CHRND: variants seen among roughly 807,000 people sequenced by gnomAD.
CHRND encodes the protein acetylcholine receptor subunit delta.
A neutral mutation model predicts 57.8 loss-of-function variants in CHRND; 40 were observed. The observed-to-expected ratio is 0.69, with a 90% confidence interval of 0.54 to 0.90. The LOEUF (loss-of-function observed/expected upper bound fraction) is 0.90. Ranked by LOEUF, CHRND falls within the 40% of genes least tolerant of loss-of-function variation. The probability of loss-of-function intolerance (pLI) is 0.00; values close to 1 mark genes in which losing one functional copy is unlikely to be tolerated. For missense variants in CHRND, 634 were observed against 673.9 expected (o/e 0.94, Z 0.66); for synonymous variants, 237 against 270.6 (o/e 0.88, Z 1.22).
intron 6 of CHRND, 64 bp downstream of exon 6, chr2:232,529,035 G>A (rs1691586759): frequency 8.7e-7 from 1 of 1,151,928 alleles, no homozygotes; most frequent in Non-Finnish European, 1.3e-6. Context: ...CACTGGCCCT[G>A]TCCACCCCAG....
chr2:232,526,186 G>A lies in CHRND; in HGVS notation c.-30G>A, dbSNP rs759127614. The A allele has an allele frequency of 6.8e-6, 11 of 1,611,304 alleles. No individual in the cohort carries two copies. In the East Asian group the frequency reaches 2.5e-4, roughly 36 times the overall value. Reference sequence around the variant, plus strand: ...TTCCACAGCCCTGTAGACAGGAGGGGCAGATGCACGTCCCAGTCAGAGGGA... The same window carrying A: ...TTCCACAGCCCTGTAGACAGGAGGGACAGATGCACGTCCCAGTCAGAGGGA... On this transcript the variant is annotated 5_prime_UTR_variant, in exon 1 of 12. Transcript: ENST00000258385.
chr2:232,530,242 T>C, intron 7 of CHRND, 103 bp downstream of exon 7: 1 of 1,237,082 alleles, frequency 8.1e-7, no homozygotes, highest in South Asian at 1.2e-5. Context: ...CCACCTGGGG[T>C]CTCCATTCCT....
chr2:232,535,257 A>T lies in CHRND; in HGVS notation c.1499A>T (p.Gln500Leu). 1 of 1,614,182 alleles carries T rather than the reference A, an allele frequency of 6.2e-7. No homozygotes were observed. ...GGCGTTTACAACCAGCCACCACCCC[A>T]GCCTTTTCCTGGGGACCCCTACTCC... is the stretch of plus-strand genomic sequence containing the variant. ...LQGVYNQPPP[Q>L]PFPGDPYSYN... The change falls in exon 12 of 12, where the codon CAG becomes CTG. Residue 500 changes from glutamine (Q) to leucine (L), a missense_variant. Transcript: ENST00000258385.
Position 232,535,516 on chromosome 2 carries a change from C to A in CHRND, c.*204C>A, listed in dbSNP as rs950448426. 2 of 748,712 alleles carry A rather than the reference C, an allele frequency of 2.7e-6. No homozygotes were observed. Among genetic ancestry groups the A allele is most frequent in the South Asian group, 1.5e-5 (1 of 67,812 alleles). 46.4% of individuals were successfully genotyped at this position (748,712 alleles called of 1,614,324 possible). On this transcript the variant is annotated 3_prime_UTR_variant, in exon 12 of 12. Coordinates refer to ENST00000258385, the MANE Select transcript of CHRND (RefSeq NM_000751.3). The stretch of plus-strand genomic sequence containing the variant: ...CCCGAGATGGTCTGAGGGTGGACAT[C>A]GGCTACAGTGGGTGGGCAGGACGAT...
rs1160575119 is a variant in CHRND, at chr2:232,526,208, G to A, written c.-8G>A. On this transcript the variant is annotated 5_prime_UTR_variant, in exon 1 of 12. Coordinates refer to ENST00000258385, the MANE Select transcript of CHRND (RefSeq NM_000751.3). ...GGGGCAGATGCACGTCCCAGTCAGA[G>A]GGATGGGATGGAGGGGCCAGTGCTG... 6.2e-7 allele frequency: 1 copy of A among 1,612,468 alleles called. No homozygotes were observed. The highest frequency in any genetic ancestry group is 8.5e-7 in the Non-Finnish European group (1 of 1,178,942).
At chr2:232,528,029 G>T (rs1016831517) in intron 3 of CHRND, among the ~76,000 whole-genome samples, 5 of 152,188 alleles carry the variant, frequency 3.3e-5, no homozygotes, top group African/African-American at 9.7e-5. Context: ...AAAGTCCACA[G>T]TACAGACACA....
At position 232,528,532 on chromosome 2, in the gene CHRND, T is replaced by C; in HGVS notation, c.385T>C (p.Cys129Arg). ...NDGSFQISYS[C>R]NVLVYHYGFV... is the part of the protein sequence containing the mutation. ...CGGCTCCTTCCAGATCTCCTACTCC[T>C]GCAACGTGCTTGTCTACCACTACGG... The change falls in exon 5 of 12, where the codon TGC becomes CGC. Residue 129 changes from cysteine to arginine, a missense_variant. Coordinates refer to ENST00000258385, the MANE Select transcript of CHRND (RefSeq NM_000751.3). 5 of 1,614,174 alleles carry C rather than the reference T, an allele frequency of 3.1e-6. No homozygotes were observed. Among genetic ancestry groups the C allele is most frequent in the Non-Finnish European group, 4.2e-6 (5 of 1,180,030 alleles).
intron 7 of CHRND, among the ~76,000 whole-genome samples, chr2:232,530,350 C>A (rs1691643816): frequency 6.6e-6 from 1 of 152,206 alleles, no homozygotes; most frequent in South Asian, 2.1e-4. Context: ...CAGGGCAGGG[C>A]ATCTCCAAGA....
At chr2:232,529,017 C>T (rs746928668) in intron 6 of CHRND, 46 bp downstream of exon 6, 40 of 1,370,668 alleles carry the variant, frequency 2.9e-5, no homozygotes, top group Non-Finnish European at 3.9e-5. Context: ...CTCAGACACA[C>T]ACAGACACAC....
chr2:232,531,946 CAAAAAAAAAAAAAAA>C (rs778006115), intron 9 of CHRND, among the ~76,000 whole-genome samples: 8 of 46,066 alleles, frequency 1.7e-4, no homozygotes, highest in Middle Eastern at 0.016. Context: ...GACCTTGTCT[CAAAAAAAAAAAAAAA>C]AAAAAAAAAA....
rs2106215688 is a variant in CHRND, at chr2:232,535,198, CATG to C, written c.1441_1443del (p.Met481del). 2 of 1,614,238 alleles carry C rather than the reference CATG, an allele frequency of 1.2e-6. No individual in the cohort carries two copies. Among genetic ancestry groups the C allele is most frequent in the Non-Finnish European group, 1.7e-6 (2 of 1,180,038 alleles). ...TCTGCCTGTTTGTGGTGACGCCTGT[CATG>C]GTGGTGGGCACAGCCTGGATCTTCC... On this transcript the variant is annotated inframe_deletion, in exon 12 of 12. Transcript: ENST00000258385.
At chr2:232,533,730 T>G (rs1691787384) in intron 9 of CHRND, among the ~76,000 whole-genome samples, 1 of 151,972 alleles carries the variant, frequency 6.6e-6, no homozygotes, top group Non-Finnish European at 1.5e-5. Flanking sequence ...ATACAAAAAT[T>G]AGCTGGGCAT....
intron 11 of CHRND, among the ~76,000 whole-genome samples, 165 bp from the exon 12 acceptor site, chr2:232,534,965 G>C (rs1297716341): frequency 6.6e-6 from 1 of 152,226 alleles, no homozygotes; most frequent in East Asian, 1.9e-4. Context: ...GGCCAGAGGG[G>C]CCTGGGACCT....
chr2:232,527,310 A>AAATGAG, intron 2 of CHRND, 91 bp from the exon 3 acceptor site: 2 of 913,016 alleles, frequency 2.2e-6, no homozygotes, highest in Non-Finnish European at 3.5e-6. Flanking sequence ...TGGAAAAAAA[A>AAATGAG]AGAGAGAGAG....
chr2:232,535,339 C>T lies in CHRND; in HGVS notation c.*27C>T. ...GTGGGCCTGTTGGGGAGCCAGGAGACAGCAGGGTCTGAGAGAGGAGCCACA... is the reference window on the plus strand; with the variant it reads ...GTGGGCCTGTTGGGGAGCCAGGAGATAGCAGGGTCTGAGAGAGGAGCCACA... On this transcript the variant is annotated 3_prime_UTR_variant, in exon 12 of 12. Transcript: ENST00000258385. 4 of 1,609,912 alleles carry T rather than the reference C, an allele frequency of 2.5e-6. No individual in the cohort carries two copies. Among genetic ancestry groups the T allele is most frequent in the Non-Finnish European group, 3.4e-6 (4 of 1,179,852 alleles).
intron 11 of CHRND, 145 bp downstream of exon 11, chr2:232,534,487 C>G (rs186532332): frequency 1.3e-5 from 11 of 877,108 alleles, no homozygotes; most frequent in African/African-American, 3.3e-5. Context: ...CAGGCCCCCC[C>G]GCCAGGGAGA....
intron 2 of CHRND, 120 bp from the exon 3 acceptor site, chr2:232,527,281 G>A (rs1266610999): frequency 2.2e-6 from 2 of 917,884 alleles, no homozygotes; most frequent in South Asian, 1.3e-5. Context: ...ACTCCATCCT[G>A]GGCAATTGAG....
rs771427492 is a variant in CHRND, at chr2:232,534,323, A to G, written c.1352A>G (p.Asp451Gly). 4 of 1,614,086 alleles carry G rather than the reference A, an allele frequency of 2.5e-6. No homozygotes were observed. The African/African-American group carries it at 5.3e-5, about 22-fold the overall frequency. The change falls in exon 11 of 12, where the codon GAC becomes GGC. Residue 451 changes from aspartate (D) to glycine (G), a missense_variant. Asp to Gly is a moderately conservative substitution (Grantham distance 94, BLOSUM62 -1). Transcript: ENST00000258385. ...GANFIVNHMR[D>G]QNNYNEEKDS... ...AACTTCATTGTTAACCACATGAGGG[A>G]CCAGAACAATTACAATGAGGTAAGG...
Position 232,528,861 on chromosome 2 carries a change from G to A in CHRND, c.510-1G>A, listed in dbSNP as rs1691580489. On this transcript the variant is annotated splice_acceptor_variant, in intron 5 of 11. Coordinates refer to ENST00000258385, the MANE Select transcript of CHRND (RefSeq NM_000751.3). LOFTEE classifies it high-confidence loss of function. The stretch of plus-strand genomic sequence containing the variant: ...CACTCTCTGCCCATTGCCCTCCCCA[G>A]TTCCCTCAAGTATACGGCCAAAGAG... 2.5e-6 allele frequency: 4 copies of A among 1,613,316 alleles called. No homozygotes were observed. The highest frequency in any genetic ancestry group is 3.4e-6 in the Non-Finnish European group (4 of 1,179,420).
Sources: gnomAD v4.1 joint callset for allele counts (sites outside exome capture counted in the v4.1 genomes callset) on GRCh38, gnomAD v4.1.1 for gene constraint, MANE v1.5 for transcripts, NCBI Gene and HGNC (gene_info 2026-07-23, HGNC 2026-07-21) for gene names.